The following MKRN2 variants were observed in gnomAD, a reference collection of about 807,000 sequenced individuals.
The protein encoded by MKRN2 is E3 ubiquitin-protein ligase makorin-2.
Under a neutral mutation model 45.4 loss-of-function variants are expected in MKRN2, and 32 were observed. The observed-to-expected ratio is 0.70, with a 90% CI of 0.53 to 0.95. The LOEUF (loss-of-function observed/expected upper bound fraction) is 0.95, where lower values mean the gene tolerates loss of function less well. Among genes scored for constraint, MKRN2 ranks in the 40% least tolerant of loss-of-function variants. MKRN2 has a pLI of 0.00. For missense variants in MKRN2, 526 were observed against 536.7 expected (o/e 0.98, Z 0.20); for synonymous variants, 206 against 192.4 (o/e 1.07, Z -0.59).
chr3:12,564,456 A>G lies in MKRN2; in HGVS notation c.27-4419A>G, dbSNP rs545437014. Among the ~76,000 whole-genome samples the G allele has an allele frequency of 2.0e-5, 3 of 152,300 alleles. No homozygotes were observed. The South Asian group carries it at 6.2e-4, about 32-fold the overall frequency. On this transcript the variant is annotated intron_variant, in intron 1 of 7. Transcript: ENST00000170447. ...AGTCCATACTCACATTTATTTCAAA[A>G]TATCTTTCAAAATATCTGGTTTCAA...
Position 12,574,789 on chromosome 3 carries a change from C to T in MKRN2, c.643-3C>T. 1 of 1,612,088 alleles carries T rather than the reference C, an allele frequency of 6.2e-7. No individual in the cohort carries two copies. Among genetic ancestry groups the T allele is most frequent in the South Asian group, 1.1e-5 (1 of 90,988 alleles). On this transcript the variant is annotated splice_region_variant and splice_polypyrimidine_tract_variant and intron_variant, in intron 4 of 7. Transcript: ENST00000170447. ...AAAGCCTTCCTTCCTGTCTGTGCTT[C>T]AGATCTGCATGTTGACGTTCGAACA...
rs527635362 is a variant in MKRN2 at position 12,577,496 on chromosome 3, T to C, written c.968+755T>C. ...TTTTTTCTTTTCATCTCCTTGAACA[T>C]AGTTGTAGCAGCTACTTTGAAATCC... On this transcript the variant is annotated intron_variant, in intron 6 of 7. Coordinates refer to ENST00000170447, the MANE Select transcript of MKRN2 (RefSeq NM_014160.5). Among the ~76,000 whole-genome samples the C allele has an allele frequency of 1.5e-4, 23 of 152,296 alleles. No individual in the cohort carries two copies. The South Asian group carries it at 4.6e-3, about 30-fold the overall frequency.
chr3:12,581,941 G>A lies in MKRN2; in HGVS notation c.1102G>A (p.Gly368Ser), dbSNP rs2058182740. The change falls in exon 7 of 8, where the codon GGC becomes AGC. Residue 368 changes from glycine (G) to serine (S), a missense_variant. Coordinates refer to ENST00000170447, the MANE Select transcript of MKRN2 (RefSeq NM_014160.5). ...EKPRKQLSSQ[G>S]TVRFFNSVRL... Reference sequence around the variant, plus strand: ...ACCTCGGAAACAGCTCAGTTCTCAAGGCACTGTGAGGGTAAGGACTTTAGC... The same window carrying A: ...ACCTCGGAAACAGCTCAGTTCTCAAAGCACTGTGAGGGTAAGGACTTTAGC... 2.5e-6 allele frequency: 4 copies of A among 1,614,124 alleles called. No individual in the cohort carries two copies. The highest frequency in any genetic ancestry group is 2.2e-5 in the East Asian group (1 of 44,886).
chr3:12,577,510 A>G (rs997740887), intron 6 of MKRN2, among the ~76,000 whole-genome samples: 4 of 152,002 alleles, frequency 2.6e-5, no homozygotes, highest in African/African-American at 9.7e-5. Flanking sequence ...TGTAGCAGCT[A>G]CTTTGAAATC....
chr3:12,574,646 G>A (rs1307263486), intron 4 of MKRN2, 146 bp from the exon 5 acceptor site: 8 of 731,052 alleles, frequency 1.1e-5, no homozygotes, highest in Admixed American at 7.3e-5. Flanking sequence ...TCCTGACTTG[G>A]GGGAGCCTGG....
In MKRN2 at chr3:12,557,096, G is replaced by A; in HGVS notation, c.-55G>A. 1 of 1,483,066 alleles carries A rather than the reference G, an allele frequency of 6.7e-7. No individual in the cohort carries two copies. The highest frequency in any genetic ancestry group is 1.3e-5 in the South Asian group (1 of 78,700). 91.9% of individuals were successfully genotyped at this position (1,483,066 alleles called of 1,614,324 possible). ...GGGCCGGGCCAGGGCCAAGGCCGAG[G>A]CGGCAGCGGCTGCGAGAGGCGGCGG... On this transcript the variant is annotated 5_prime_UTR_variant, in exon 1 of 8. Coordinates refer to ENST00000170447, the MANE Select transcript of MKRN2 (RefSeq NM_014160.5).
chr3:12,567,148 G>A (rs1056340045), intron 1 of MKRN2, among the ~76,000 whole-genome samples: 1 of 147,970 alleles, frequency 6.8e-6, no homozygotes, highest in African/African-American at 2.5e-5. Context: ...CATTTGGATT[G>A]TATTGTCTTC....
chr3:12,570,471 C>A (rs532225601), intron 3 of MKRN2, among the ~76,000 whole-genome samples: 5 of 152,232 alleles, frequency 3.3e-5, no homozygotes, highest in Admixed American at 2.6e-4. Context: ...GGGTTGAGCT[C>A]CAAGACTGGC....
chr3:12,582,045 A>G (rs1338286533), intron 7 of MKRN2, 71 bp from the exon 8 acceptor site: 2 of 1,609,686 alleles, frequency 1.2e-6, no homozygotes, highest in Admixed American at 1.7e-5. Context: ...TAGGCAAAAG[A>G]ACGATCAAGG....
intron 6 of MKRN2, 190 bp downstream of exon 6, chr3:12,576,931 G>GTGTTTT (rs1175738358): frequency 0.063 from 7,673 of 122,150 alleles, 920 homozygotes; most frequent in African/African-American, 0.097. Flanking sequence ...TTTAGTTTTG[G>GTGTTTT]TGTTTTTTTT....
At chr3:12,573,907 A>T (rs1203695591) in intron 4 of MKRN2, among the ~76,000 whole-genome samples, 2 of 151,838 alleles carry the variant, frequency 1.3e-5, no homozygotes, top group Admixed American at 6.6e-5. Flanking sequence ...AAAAAAAAAA[A>T]TTATTTTATT....
intron 6 of MKRN2, among the ~76,000 whole-genome samples, chr3:12,577,645 T>C (rs1307465508): frequency 6.6e-6 from 1 of 151,296 alleles, no homozygotes; most frequent in African/African-American, 2.4e-5. Flanking sequence ...TAGAGAGACT[T>C]AGGATTCTGT....
intron 3 of MKRN2, among the ~76,000 whole-genome samples, chr3:12,570,802 G>A (rs1485121369): frequency 1.4e-5 from 2 of 147,530 alleles, no homozygotes; most frequent in Admixed American, 1.4e-4. Flanking sequence ...AGAATTTCTT[G>A]AACCCGGGAG....
intron 2 of MKRN2, 78 bp downstream of exon 2, chr3:12,569,081 A>G (rs985149889): frequency 4.7e-6 from 7 of 1,484,014 alleles, no homozygotes; most frequent in Non-Finnish European, 6.3e-6. Context: ...GGAAATTTTA[A>G]TGTAAAAGTA....
At chr3:12,564,753 CT>C (rs902085555) in intron 1 of MKRN2, among the ~76,000 whole-genome samples, 4 of 152,234 alleles carry the variant, frequency 2.6e-5, no homozygotes, top group African/African-American at 9.6e-5. Context: ...CAAAAGATCC[CT>C]TGTGCCCATT....
At chr3:12,573,836 C>T (rs901294649) in intron 4 of MKRN2, among the ~76,000 whole-genome samples, 3 of 150,768 alleles carry the variant, frequency 2.0e-5, no homozygotes, top group African/African-American at 7.3e-5. Flanking sequence ...GAGCTTGCAG[C>T]GAGCTGAGAT....
intron 4 of MKRN2, among the ~76,000 whole-genome samples, chr3:12,574,550 G>C (rs1306210509): frequency 6.6e-6 from 1 of 152,206 alleles, no homozygotes; most frequent in Admixed American, 6.5e-5. Flanking sequence ...CTAAATGGGT[G>C]GTGACCATGT....
intron 3 of MKRN2, 58 bp from the exon 4 acceptor site, chr3:12,572,011 G>A (rs755977744): frequency 1.4e-5 from 21 of 1,494,120 alleles, no homozygotes; most frequent in East Asian, 7.1e-5. Context: ...TTTGGCTAAC[G>A]GCATACCAGA....
rs376421803 is a variant in MKRN2, at chr3:12,563,235, T to C, written c.27-5640T>C. On this transcript the variant is annotated intron_variant, in intron 1 of 7. Transcript: ENST00000170447. ...AGGTGGCTCATACTAGCCAAACGCA[T>C]GAGAGACTGACTTATATACTAGAAT... Among the ~76,000 whole-genome samples the C allele has an allele frequency of 1.2e-4, 19 of 152,360 alleles. No individual in the cohort carries two copies. In the East Asian group the frequency reaches 3.7e-3, roughly 29 times the overall value.
Sources: allele counts gnomAD v4.1 joint callset (sites outside exome capture counted in the v4.1 genomes callset), GRCh38; gene constraint gnomAD v4.1.1; transcripts MANE v1.5; gene names NCBI Gene and HGNC (gene_info 2026-07-23, HGNC 2026-07-21).